Variants in WWP2 observed in about 807,000 individuals in gnomAD.
The protein encoded by WWP2 is NEDD4-like E3 ubiquitin-protein ligase WWP2.
In WWP2, 57 loss-of-function variants were observed where a neutral mutation model predicts 121.0. The observed-to-expected ratio is 0.47, with a 90% CI of 0.38 to 0.59. The LOEUF is 0.59. Among genes scored for constraint, WWP2 ranks in the 20% least tolerant of loss-of-function variants. The pLI, the probability that WWP2 is intolerant of heterozygous loss-of-function variation, is 0.00. For synonymous variants in WWP2, 449 were observed against 441.3 expected (o/e 1.02, Z -0.22); for missense variants, 962 against 1,158.9 (o/e 0.83, Z 2.47).
chr16:69,912,567 T>TTTTG (rs569093580), intron 9 of WWP2, among the ~76,000 whole-genome samples: 43 of 151,906 alleles, frequency 2.8e-4, no homozygotes, highest in Non-Finnish European at 4.6e-4. Flanking sequence ...TGGAGGGTAG[T>TTTTG]TTTGTTTGTT....
rs1419269847 is a variant in WWP2 at position 69,925,565 on chromosome 16, C to A, written c.1234+81C>A. 6.5e-7 allele frequency: 1 copy of A among 1,536,242 alleles called. No homozygotes were observed. The highest frequency in any genetic ancestry group is 1.2e-5 in the South Asian group (1 of 84,126). On this transcript the variant is annotated intron_variant, in intron 11 of 23. Transcript: ENST00000359154. This position sits in a 1 kb window ranked among gnomAD's most constrained non-coding sequence, Gnocchi z 4.0. ...TCCTCTCCTCCCGCGTGTCTTCCTT[C>A]CCTGTTCCTGTCCCTCTGTTTTCCA...
At chr16:69,867,467 G>T (rs905900108) in intron 6 of WWP2, among the ~76,000 whole-genome samples, 39 of 152,304 alleles carry the variant, frequency 2.6e-4, no homozygotes, top group Admixed American at 8.5e-4. Context: ...CTCATGAAGG[G>T]CGAGGCCAGG....
Position 69,799,464 on chromosome 16 carries a change from C to A in WWP2, c.340+169C>A. The stretch of plus-strand genomic sequence containing the variant: ...AAGGCTGAGGGCTCCTCTCTGCCTC[C>A]ACTACAGAGTTTAGCCCTCTTTGTC... On this transcript the variant is annotated intron_variant, in intron 4 of 23. Transcript: ENST00000359154. The surrounding 1 kb of genome is among the most constrained non-coding windows in gnomAD (Gnocchi z 4.5). 2 of 878,680 alleles carry A rather than the reference C, an allele frequency of 2.3e-6. No individual in the cohort carries two copies. Among genetic ancestry groups the A allele is most frequent in the Non-Finnish European group, 3.3e-6 (2 of 599,866 alleles). 54.4% of individuals were successfully genotyped at this position (878,680 alleles called of 1,614,324 possible).
At chr16:69,828,613 CCTTGGCCTGT>C (rs1312792167) in intron 4 of WWP2, among the ~76,000 whole-genome samples, 1 of 152,052 alleles carries the variant, frequency 6.6e-6, no homozygotes, top group African/African-American at 2.4e-5. Flanking sequence ...GATCCGCCTG[CCTTGGCCTGT>C]CAAAGTGCTG....
chr16:69,852,047 G>C (rs1387015212), intron 6 of WWP2, among the ~76,000 whole-genome samples: 2 of 152,004 alleles, frequency 1.3e-5, no homozygotes, highest in African/African-American at 2.4e-5. Context: ...AAAGGAACAT[G>C]ATTGCTGGGT....
intron 8 of WWP2, among the ~76,000 whole-genome samples, chr16:69,895,505 C>T (rs1023371760): frequency 6.6e-6 from 1 of 152,206 alleles, no homozygotes; most frequent in Non-Finnish European, 1.5e-5. Flanking sequence ...AGGCTCATGC[C>T]TGTAATCTAG....
At chr16:69,920,222 A>C (rs1340635403) in intron 10 of WWP2, among the ~76,000 whole-genome samples, 1 of 152,184 alleles carries the variant, frequency 6.6e-6, no homozygotes, top group Non-Finnish European at 1.5e-5. Context: ...TTTCCTTAGC[A>C]GAGGTGAGCA....
At chr16:69,868,819 G>C (rs900337550) in intron 6 of WWP2, among the ~76,000 whole-genome samples, 2 of 152,146 alleles carry the variant, frequency 1.3e-5, no homozygotes, top group Non-Finnish European at 2.9e-5. Context: ...AATGCTTAAG[G>C]TGAACATTTC....
Position 69,939,895 on chromosome 16 carries a change from G to A in WWP2, c.2568G>A (p.Lys856=), listed in dbSNP as rs748384791. The part of the protein sequence containing the change: ...PYKSYEQLRE[K]LLYAIEETEG... ...AGAGCTACGAACAGCTGAGAGAGAA[G>A]CTGCTGTATGCCATTGAGGAGACCG... Residue 856 remains lysine, a synonymous_variant, in exon 24 of 24, where the codon AAG becomes AAA. Transcript: ENST00000359154. The A allele has an allele frequency of 5.6e-6, 9 of 1,613,992 alleles. 1 individual carries two copies. In the South Asian group the frequency reaches 7.7e-5, roughly 14 times the overall value.
chr16:69,844,918 G>C (rs781363218), intron 6 of WWP2, among the ~76,000 whole-genome samples: 1 of 152,190 alleles, frequency 6.6e-6, no homozygotes, highest in Non-Finnish European at 1.5e-5. Flanking sequence ...TTATCCAAAG[G>C]CTGTCTCTTT....
intron 8 of WWP2, among the ~76,000 whole-genome samples, chr16:69,892,590 G>A (rs2058046900): frequency 6.6e-6 from 1 of 152,174 alleles, no homozygotes; most frequent in Non-Finnish European, 1.5e-5. Context: ...CTGGAGTGCA[G>A]TTGTGCAATC....
intron 9 of WWP2, among the ~76,000 whole-genome samples, chr16:69,912,953 AAAATATATATATATATATAT>A (rs2058410343): frequency 1.2e-3 from 2 of 1,710 alleles, no homozygotes; most frequent in African/African-American, 2.9e-3. Flanking sequence ...AAAAAAAAAA[AAAATATATATATATATATAT>A]ATATATATAT....
intron 4 of WWP2, among the ~76,000 whole-genome samples, chr16:69,801,086 C>A (rs1338898424): frequency 1.4e-5 from 2 of 147,104 alleles, no homozygotes; most frequent in Non-Finnish European, 3.0e-5. Context: ...CTACTCAGGA[C>A]GCTGAGACAG....
intron 2 of WWP2, among the ~76,000 whole-genome samples, chr16:69,793,196 C>T (rs2055949565): frequency 6.6e-6 from 1 of 151,848 alleles, no homozygotes; most frequent in South Asian, 2.1e-4. Flanking sequence ...ACTAAAAATA[C>T]AAAAAAATTA....
Position 69,937,291 on chromosome 16 carries a change from G to A in WWP2, c.2238+53G>A. The A allele has an allele frequency of 6.2e-7, 1 of 1,603,668 alleles. No individual in the cohort carries two copies. The highest frequency in any genetic ancestry group is 8.5e-7 in the Non-Finnish European group (1 of 1,175,448). On this transcript the variant is annotated intron_variant, in intron 20 of 23. Coordinates refer to ENST00000359154, the MANE Select transcript of WWP2 (RefSeq NM_001270454.2). The surrounding 1 kb of genome is among the most constrained non-coding windows in gnomAD (Gnocchi z 6.6). ...GAGCCCCTGCCTCTGGGGCGATCCT[G>A]CTCTGTGATACGCTCACTGTGTACC...
intron 11 of WWP2, among the ~76,000 whole-genome samples, chr16:69,926,744 G>T (rs2058645778): frequency 6.6e-6 from 1 of 152,148 alleles, no homozygotes; most frequent in Non-Finnish European, 1.5e-5. Context: ...TGGCTCCCTG[G>T]ACCAAAGAAA....
intron 16 of WWP2, chr16:69,933,011 T>TC (rs2058740231): frequency 4.2e-6 from 2 of 475,076 alleles, no homozygotes; most frequent in Admixed American, 4.7e-5. Flanking sequence ...TGGATGGATG[T>TC]TCCTTTTTTC....
chr16:69,766,822 T>A (rs1389470531), intron 1 of WWP2, among the ~76,000 whole-genome samples: 1 of 152,120 alleles, frequency 6.6e-6, no homozygotes, highest in African/African-American at 2.4e-5. Context: ...GGTACGATCT[T>A]GGCTCACTGC....
chr16:69,887,886 A>G (rs895894330), intron 7 of WWP2, among the ~76,000 whole-genome samples, 153 bp from the exon 8 acceptor site: 1 of 152,208 alleles, frequency 6.6e-6, no homozygotes, highest in African/African-American at 2.4e-5. Flanking sequence ...TGTACTTTTC[A>G]AAGTCATGTT....
Sources: gnomAD v4.1 joint callset for allele counts (sites outside exome capture counted in the v4.1 genomes callset) on GRCh38, gnomAD v4.1.1 for gene constraint, Gnocchi (gnomAD v3.1) non-coding constraint, MANE v1.5 for transcripts, NCBI Gene and HGNC (gene_info 2026-07-23, HGNC 2026-07-21) for gene names.